MAP2: variants seen among roughly 807,000 people sequenced by gnomAD.
MAP2 encodes microtubule-associated protein 2.
A neutral mutation model predicts 137.6 loss-of-function variants in MAP2; 14 were observed. That is an observed-to-expected ratio of 0.10 (90% CI 0.07 to 0.16). The LOEUF (loss-of-function observed/expected upper bound fraction) is 0.16, where lower values mean the gene tolerates loss of function less well. MAP2 is among the 10% of genes least tolerant of loss of function. The pLI is 1.00. For missense variants in MAP2, 2,088 were observed against 2,191.5 expected (o/e 0.95, Z 0.94); for synonymous variants, 786 against 782.3 (o/e 1.00, Z -0.08).
At chr2:209,428,389 T>TC (rs1477062641) in intron 1 of MAP2, among the ~76,000 whole-genome samples, 1 of 151,636 alleles carries the variant, frequency 6.6e-6, no homozygotes, top group Non-Finnish European at 1.5e-5. Flanking sequence ...TTCTTTTTTT[T>TC]TTTTTTTGCT....
intron 5 of MAP2, among the ~76,000 whole-genome samples, chr2:209,654,545 T>C (rs954106379): frequency 2.7e-5 from 4 of 149,224 alleles, no homozygotes; most frequent in East Asian, 2.1e-4. Context: ...AAATAATAAC[T>C]GTTAATTAAT....
intron 13 of MAP2, 110 bp downstream of exon 13, chr2:209,710,364 G>C: frequency 1.0e-6 from 1 of 961,422 alleles, no homozygotes; most frequent in Admixed American, 2.7e-5. Flanking sequence ...TAAAGAGCTT[G>C]GTTACAATTT....
intron 2 of MAP2, among the ~76,000 whole-genome samples, chr2:209,549,568 T>G (rs779905874): frequency 4.6e-5 from 7 of 152,196 alleles, no homozygotes; most frequent in Non-Finnish European, 8.8e-5. Flanking sequence ...AAAAATACTT[T>G]GTAAAAGATA....
intron 3 of MAP2, among the ~76,000 whole-genome samples, chr2:209,600,104 T>G (rs531004109): frequency 5.7e-4 from 87 of 152,274 alleles, no homozygotes; most frequent in Middle Eastern, 6.8e-3. Flanking sequence ...AAAAGGAGCA[T>G]TGAAGGGACT....
chr2:209,629,973 AG>A (rs1477672220), intron 4 of MAP2, among the ~76,000 whole-genome samples: 7 of 152,296 alleles, frequency 4.6e-5, no homozygotes, highest in African/African-American at 1.7e-4. Context: ...AGTTCTTATT[AG>A]GAGGGTGCTG....
At chr2:209,531,073 C>T (rs961636747) in intron 2 of MAP2, among the ~76,000 whole-genome samples, 4 of 152,092 alleles carry the variant, frequency 2.6e-5, no homozygotes, top group Admixed American at 2.6e-4. Context: ...TATTTAAAGC[C>T]ATCTCATGCC....
chr2:209,558,709 A>C (rs1186071963), intron 2 of MAP2, among the ~76,000 whole-genome samples: 2 of 151,208 alleles, frequency 1.3e-5, no homozygotes, highest in African/African-American at 4.9e-5. Context: ...TAATAATCCA[A>C]GAATAAGCAA....
At chr2:209,489,361 C>T (rs1438652624) in intron 1 of MAP2, among the ~76,000 whole-genome samples, 5 of 152,108 alleles carry the variant, frequency 3.3e-5, no homozygotes, top group African/African-American at 1.2e-4. Flanking sequence ...GCTGAATGTC[C>T]CAAATACCAG....
chr2:209,437,581 A>T (rs781716955), intron 1 of MAP2, among the ~76,000 whole-genome samples: 1 of 151,634 alleles, frequency 6.6e-6, no homozygotes, highest in African/African-American at 2.4e-5. Flanking sequence ...TAACTGTCCT[A>T]TTAAATCAAT....
chr2:209,690,958 T>C (rs577648390), intron 7 of MAP2: 76 of 1,031,752 alleles, frequency 7.4e-5, no homozygotes, highest in Non-Finnish European at 9.0e-5. Flanking sequence ...CTGGGTCTTA[T>C]GATAACAAGT....
chr2:209,525,468 G>A (rs985699363), intron 2 of MAP2, among the ~76,000 whole-genome samples: 1 of 152,140 alleles, frequency 6.6e-6, no homozygotes, highest in Non-Finnish European at 1.5e-5. Flanking sequence ...ATGAAGAATT[G>A]TTATTCACGG....
At chr2:209,590,600 G>A (rs1171589440) in intron 3 of MAP2, among the ~76,000 whole-genome samples, 1 of 152,128 alleles carries the variant, frequency 6.6e-6, no homozygotes, top group Non-Finnish European at 1.5e-5. Context: ...CTCCTAAAGT[G>A]CTGAGATTAC....
chr2:209,475,209 C>A (rs1419817405), intron 1 of MAP2, among the ~76,000 whole-genome samples: 1 of 152,074 alleles, frequency 6.6e-6, no homozygotes, highest in Non-Finnish European at 1.5e-5. Flanking sequence ...TACACGTACA[C>A]AAATCACAAG....
chr2:209,456,994 T>A (rs1424106026), intron 1 of MAP2, among the ~76,000 whole-genome samples: 1 of 152,012 alleles, frequency 6.6e-6, no homozygotes, highest in Non-Finnish European at 1.5e-5. Flanking sequence ...CACAAACACA[T>A]GCACAGATCA....
intron 12 of MAP2, among the ~76,000 whole-genome samples, chr2:209,707,129 T>C (rs776444341): frequency 6.6e-6 from 1 of 152,190 alleles, no homozygotes; most frequent in Non-Finnish European, 1.5e-5. Flanking sequence ...TCTTGAATTA[T>C]ACTTGTATTT....
intron 3 of MAP2, among the ~76,000 whole-genome samples, chr2:209,580,491 T>C (rs535624454): frequency 2.1e-4 from 32 of 152,292 alleles, no homozygotes; most frequent in African/African-American, 6.3e-4. Flanking sequence ...TTTATTAAAA[T>C]GGTTAAATGA....
chr2:209,696,882 C>T, intron 9 of MAP2, 35 bp from the exon 10 acceptor site: 1 of 1,576,552 alleles, frequency 6.3e-7, no homozygotes, highest in Admixed American at 2.0e-5. Context: ...TTATTTTTTC[C>T]TGATGGTATG....
chr2:209,484,141 G>T (rs779056481), intron 1 of MAP2, among the ~76,000 whole-genome samples: 1 of 152,128 alleles, frequency 6.6e-6, no homozygotes, highest in Non-Finnish European at 1.5e-5. Flanking sequence ...TAAAGAAAAT[G>T]CATTTGCATT....
chr2:209,690,779 C>T, intron 7 of MAP2: 1 of 1,289,792 alleles, frequency 7.8e-7, no homozygotes, highest in Non-Finnish European at 1.0e-6. Context: ...AGGGGCCCCA[C>T]ATGAGAAAAG....
Sources: gnomAD v4.1 joint callset for allele counts (sites outside exome capture counted in the v4.1 genomes callset) on GRCh38, gnomAD v4.1.1 for gene constraint, MANE v1.5 for transcripts, NCBI Gene and HGNC (gene_info 2026-07-23, HGNC 2026-07-21) for gene names.